BTD: variants seen among roughly 807,000 people sequenced by gnomAD.
BTD encodes biocytinase.
In BTD, 13 loss-of-function variants were observed where a neutral mutation model predicts 17.7. The ratio of observed to expected loss-of-function variants is 0.74; its 90% confidence interval spans 0.48 to 1.17. The LOEUF (loss-of-function observed/expected upper bound fraction) is 1.17. Ranked by LOEUF, BTD falls within the 50% of genes most tolerant of loss-of-function variation. BTD has a pLI of 0.00. For synonymous variants in BTD, 240 were observed against 245.2 expected (o/e 0.98, Z 0.20); for missense variants, 674 against 650.4 (o/e 1.04, Z -0.39).
chr3:15,662,999 A>G (rs965119376), intron 3 of BTD, among the ~76,000 whole-genome samples: 3 of 151,700 alleles, frequency 2.0e-5, no homozygotes, highest in Non-Finnish European at 2.9e-5. Flanking sequence ...TGTTCATGAG[A>G]AATATTTTTT....
At chr3:15,611,048 A>G (rs967808933) in intron 1 of BTD, among the ~76,000 whole-genome samples, 2 of 152,132 alleles carry the variant, frequency 1.3e-5, no homozygotes, top group Non-Finnish European at 2.9e-5. Flanking sequence ...GTATGTTCCA[A>G]CATATTTATC....
intron 3 of BTD, 40 bp downstream of exon 3, chr3:15,642,097 A>G (rs2065527240): frequency 6.2e-7 from 1 of 1,612,266 alleles, no homozygotes; most frequent in Admixed American, 1.7e-5. Flanking sequence ...GAGGGTACAC[A>G]GAGGTGATCT....
chr3:15,709,325 T>C (rs1575299561), intron 3 of BTD, among the ~76,000 whole-genome samples: 1 of 152,178 alleles, frequency 6.6e-6, no homozygotes, highest in East Asian at 1.9e-4. Flanking sequence ...AACTGTATCA[T>C]TATTTTCTAG....
rs1482836280 is a variant in BTD at position 15,651,827 on chromosome 3, G to A, written c.*6339G>A. On this transcript the variant is annotated 3_prime_UTR_variant, in exon 4 of 4. Coordinates refer to ENST00000643237, the MANE Select transcript of BTD (RefSeq NM_001370658.1). ...GAACATTCTGCAAGCTCATGGACCA[G>A]TTCATTTGAGAAGAAATAGAGGAGT... is the stretch of plus-strand genomic sequence containing the variant. Among the ~76,000 whole-genome samples, 1 of 152,192 alleles carries A rather than the reference G, an allele frequency of 6.6e-6. No individual in the cohort carries two copies. Among genetic ancestry groups the A allele is most frequent in the Non-Finnish European group, 1.5e-5 (1 of 68,044 alleles).
At chr3:15,611,510 TAGAA>T (rs1184098338) in intron 1 of BTD, among the ~76,000 whole-genome samples, 1 of 152,240 alleles carries the variant, frequency 6.6e-6, no homozygotes, top group Non-Finnish European at 1.5e-5. Context: ...CCTTTATAGT[TAGAA>T]AGAATTCTTC....
At chr3:15,654,108 A>T (rs973301034), downstream of BTD, among the ~76,000 whole-genome samples, 27 of 152,342 alleles carry the variant, frequency 1.8e-4, no homozygotes, top group African/African-American at 5.8e-4. Context: ...CCCAAAACAA[A>T]TTGCTAAAAG....
chr3:15,719,893 C>A (rs1393291925), intron 4 of BTD, among the ~76,000 whole-genome samples: 2 of 151,934 alleles, frequency 1.3e-5, no homozygotes, highest in Admixed American at 1.3e-4. Flanking sequence ...TTTTTTGAGA[C>A]AGGGTCTCAC....
chr3:15,685,417 T>A (rs1267225630), intron 3 of BTD: 1 of 1,614,012 alleles, frequency 6.2e-7, no homozygotes, highest in East Asian at 2.2e-5. Context: ...AAGTAATGCA[T>A]CTACACATTC....
chr3:15,719,172 T>A (rs1227328732), intron 4 of BTD, among the ~76,000 whole-genome samples: 2 of 152,238 alleles, frequency 1.3e-5, no homozygotes, highest in Non-Finnish European at 2.9e-5. Context: ...GTATACATTT[T>A]GTCCTGTAGT....
upstream of BTD, chr3:15,601,667 C>G: frequency 1.9e-6 from 3 of 1,553,826 alleles, no homozygotes; most frequent in Non-Finnish European, 2.6e-6. Flanking sequence ...TAAACACGCG[C>G]GTTCTCCAAT....
chr3:15,697,300 T>C (rs1258563772), intron 3 of BTD: 1 of 153,024 alleles, frequency 6.5e-6, no homozygotes, highest in Non-Finnish European at 1.5e-5. Flanking sequence ...TCCCAAATTG[T>C]ACCCAATATG....
At chr3:15,686,623 C>G (rs2068158744) in intron 3 of BTD, among the ~76,000 whole-genome samples, 1 of 152,124 alleles carries the variant, frequency 6.6e-6, no homozygotes. Context: ...TGCCTTGACT[C>G]CAGCAAAGGG....
chr3:15,672,851 C>T (rs1279172605), intron 3 of BTD, among the ~76,000 whole-genome samples: 3 of 152,244 alleles, frequency 2.0e-5, no homozygotes, highest in South Asian at 2.1e-4. Context: ...TCTCGGCTCA[C>T]TGCAACTTCT....
intron 3 of BTD, among the ~76,000 whole-genome samples, chr3:15,674,871 G>GAC (rs1443517711): frequency 1.3e-5 from 2 of 152,196 alleles, no homozygotes; most frequent in African/African-American, 2.4e-5. Flanking sequence ...TGAGAGCTAA[G>GAC]TAGTAGTTAA....
At chr3:15,601,460 G>A, upstream of BTD, 1 of 1,612,942 alleles carries the variant, frequency 6.2e-7, no homozygotes. Context: ...TTACTGTCCG[G>A]CATCTTCCAC....
At chr3:15,656,443 G>A (rs59987156), downstream of BTD, among the ~76,000 whole-genome samples, 75 of 152,226 alleles carry the variant, frequency 4.9e-4, no homozygotes, top group Non-Finnish European at 2.6e-4. Flanking sequence ...CAGCTCATGC[G>A]GGAGGGACAC....
At chr3:15,690,653 C>A (rs150997332) in intron 3 of BTD, among the ~76,000 whole-genome samples, 1 of 152,194 alleles carries the variant, frequency 6.6e-6, no homozygotes, top group Non-Finnish European at 1.5e-5. Context: ...CAGCCTTGAC[C>A]TTCTGGGCTT....
rs1320456937 is a variant in BTD, at chr3:15,635,942, T to C, written c.249+254T>C. Reference sequence around the variant, plus strand: ...ACCCCAGACCTACTGAATCAGAATGTGCATTGCAGCAGGATCCCCAGGTGA... The same window carrying C: ...ACCCCAGACCTACTGAATCAGAATGCGCATTGCAGCAGGATCCCCAGGTGA... On this transcript the variant is annotated intron_variant, in intron 2 of 3. Transcript: ENST00000643237. The surrounding 1 kb of genome is among the most constrained non-coding windows in gnomAD (Gnocchi z 4.1). Among the ~76,000 whole-genome samples the C allele has an allele frequency of 1.9e-4, 29 of 152,166 alleles. No individual in the cohort carries two copies. The highest frequency in any genetic ancestry group is 1.9e-4 in the East Asian group (1 of 5,188).
At chr3:15,690,988 A>G (rs2068716324) in intron 3 of BTD, among the ~76,000 whole-genome samples, 1 of 152,176 alleles carries the variant, frequency 6.6e-6, no homozygotes, top group Non-Finnish European at 1.5e-5. Context: ...CCCACCCCAT[A>G]ATGTGCCATA....
Sources: gnomAD v4.1 joint callset for allele counts (sites outside exome capture counted in the v4.1 genomes callset) on GRCh38, gnomAD v4.1.1 for gene constraint, Gnocchi (gnomAD v3.1) non-coding constraint, MANE v1.5 for transcripts, NCBI Gene and HGNC (gene_info 2026-07-23, HGNC 2026-07-21) for gene names.